The following CACNA1C variants were observed in gnomAD, a reference collection of about 807,000 sequenced individuals.
The protein encoded by CACNA1C is calcium voltage-gated channel subunit alpha1 C, also known as voltage-dependent L-type calcium channel subunit alpha-1C.
CACNA1C carries 30 observed loss-of-function variants against 229.0 expected under a neutral mutation model. That is an observed-to-expected ratio of 0.13 (90% CI 0.10 to 0.18). The LOEUF is 0.18. Ranked by LOEUF, CACNA1C falls within the 10% of genes least tolerant of loss-of-function variation. The pLI is 1.00. For synonymous variants in CACNA1C, 1,114 were observed against 1,132.5 expected, an observed-to-expected ratio of 0.98 and a Z score of 0.33; for missense variants, 1,658 against 2,845.0, an observed-to-expected ratio of 0.58 and a Z score of 9.49.
intron 38 of CACNA1C, among the ~76,000 whole-genome samples, chr12:2,670,394 T>TG (rs931443003): frequency 6.6e-6 from 1 of 152,160 alleles, no homozygotes. Flanking sequence ...GTTGCTCCAT[T>TG]GGTAGACTAG....
intron 30 of CACNA1C, among the ~76,000 whole-genome samples, chr12:2,640,324 C>T (rs1030952140): frequency 6.6e-6 from 1 of 152,228 alleles, no homozygotes; most frequent in African/African-American, 2.4e-5. Context: ...CACTGAAGGG[C>T]AGGGCCCAGT....
chr12:2,234,154 G>A (rs570946126), intron 3 of CACNA1C, among the ~76,000 whole-genome samples: 3 of 152,296 alleles, frequency 2.0e-5, no homozygotes, highest in African/African-American at 7.2e-5. Flanking sequence ...CTTTTCAAAC[G>A]AGTCAGTTAG....
intron 29 of CACNA1C, among the ~76,000 whole-genome samples, chr12:2,618,089 AG>A (rs2081521031): frequency 6.6e-6 from 1 of 152,208 alleles, no homozygotes; most frequent in Non-Finnish European, 1.5e-5. Flanking sequence ...CGGATTGCTC[AG>A]GTGTGGACCT....
At chr12:2,469,087 C>T (rs2099576241) in intron 5 of CACNA1C, among the ~76,000 whole-genome samples, 1 of 152,046 alleles carries the variant, frequency 6.6e-6, no homozygotes, top group African/African-American at 2.4e-5. Context: ...TTGGGGGTAC[C>T]CCAGTAGACT....
chr12:2,339,668 C>T (rs1419725987), intron 3 of CACNA1C, among the ~76,000 whole-genome samples: 1 of 152,070 alleles, frequency 6.6e-6, no homozygotes, highest in Non-Finnish European at 1.5e-5. Context: ...AGAAGTAAGA[C>T]ACGCGCACAT....
chr12:2,188,404 A>G (rs765510893), intron 3 of CACNA1C, among the ~76,000 whole-genome samples: 5 of 152,132 alleles, frequency 3.3e-5, no homozygotes, highest in Non-Finnish European at 7.4e-5. Flanking sequence ...GCACAATGTT[A>G]ATTTTTGTAG....
chr12:2,521,690 C>T (rs867227522), intron 9 of CACNA1C, among the ~76,000 whole-genome samples: 2 of 152,216 alleles, frequency 1.3e-5, no homozygotes, highest in Admixed American at 6.5e-5. Flanking sequence ...TCAGTCAAGT[C>T]GTATGGGCTG....
chr12:2,433,131 G>A (rs552571869), intron 3 of CACNA1C, among the ~76,000 whole-genome samples: 2 of 152,310 alleles, frequency 1.3e-5, no homozygotes, highest in South Asian at 4.1e-4. Flanking sequence ...CTGCTGGTGG[G>A]TATTTTATTT....
chr12:1,979,880 T>G (rs904918963), intron 1 of CACNA1C, among the ~76,000 whole-genome samples: 3 of 152,196 alleles, frequency 2.0e-5, no homozygotes, highest in Non-Finnish European at 2.9e-5. Flanking sequence ...GAAGAAATGC[T>G]CAATACAGTC....
intron 7 of CACNA1C, among the ~76,000 whole-genome samples, chr12:2,501,372 A>G (rs2239094): frequency 0.33 from 49,846 of 152,006 alleles, 8,543 homozygotes; most frequent in East Asian, 0.49. Flanking sequence ...CCTCTTCCTC[A>G]GCAGGTGCCT....
At chr12:2,417,082 T>C (rs1326645099) in intron 3 of CACNA1C, among the ~76,000 whole-genome samples, 4 of 152,204 alleles carry the variant, frequency 2.6e-5, no homozygotes, top group African/African-American at 4.8e-5. Context: ...GTCACTTCTA[T>C]ACAATGTGGA....
chr12:2,106,723 T>TG (rs1269266946), intron 1 of CACNA1C, among the ~76,000 whole-genome samples: 15 of 113,052 alleles, frequency 1.3e-4, no homozygotes, highest in African/African-American at 5.1e-4. Context: ...CCACCTCAGC[T>TG]GGGCGTCCTG....
chr12:2,073,224 C>A (rs1335911675), intron 1 of CACNA1C, among the ~76,000 whole-genome samples: 1 of 152,160 alleles, frequency 6.6e-6, no homozygotes, highest in African/African-American at 2.4e-5. Context: ...AGATCAGCAG[C>A]TTTTGGTATA....
At chr12:2,656,338 C>T (rs933164102) in intron 34 of CACNA1C, among the ~76,000 whole-genome samples, 1 of 152,092 alleles carries the variant, frequency 6.6e-6, no homozygotes, top group Non-Finnish European at 1.5e-5. Context: ...GTCCCTTTTA[C>T]AATAGCATCA....
intron 4 of CACNA1C, among the ~76,000 whole-genome samples, chr12:2,450,293 A>G (rs11062234): frequency 0.12 from 17,840 of 152,014 alleles, 1,517 homozygotes; most frequent in African/African-American, 0.23. Context: ...GGTGGCTCAC[A>G]CCTGTAATCC....
intron 3 of CACNA1C, among the ~76,000 whole-genome samples, chr12:2,219,470 T>C (rs2060868247): frequency 6.6e-6 from 1 of 152,162 alleles, no homozygotes; most frequent in South Asian, 2.1e-4. Flanking sequence ...TACCTGGCCA[T>C]CTAGAAACCA....
At chr12:2,574,446 C>T (rs2057605238) in intron 13 of CACNA1C, among the ~76,000 whole-genome samples, 1 of 152,174 alleles carries the variant, frequency 6.6e-6, no homozygotes. Flanking sequence ...TGCAGTGAGG[C>T]CCCTCTAGCA....
intron 3 of CACNA1C, among the ~76,000 whole-genome samples, chr12:2,171,174 C>T (rs892271569): frequency 5.9e-5 from 9 of 152,212 alleles, no homozygotes; most frequent in African/African-American, 2.2e-4. Flanking sequence ...AGGGCAGGGG[C>T]AGCCTGACCT....
At chr12:2,474,481 G>T (rs574477255) in intron 5 of CACNA1C, among the ~76,000 whole-genome samples, 1 of 152,212 alleles carries the variant, frequency 6.6e-6, no homozygotes, top group African/African-American at 2.4e-5. Context: ...CAGGCCAGGC[G>T]CAGTAGCTCA....
Sources: allele counts gnomAD v4.1 joint callset (sites outside exome capture counted in the v4.1 genomes callset), GRCh38; gene constraint gnomAD v4.1.1; transcripts MANE v1.5; gene names NCBI Gene and HGNC (gene_info 2026-07-23, HGNC 2026-07-21).